The following E2F3 variants were observed in gnomAD, a reference collection of about 807,000 sequenced individuals.
E2F3 encodes the protein transcription factor E2F3.
A neutral mutation model predicts 44.4 loss-of-function variants in E2F3; 11 were observed. The observed-to-expected ratio is 0.25, with a 90% CI of 0.16 to 0.41. E2F3 has a LOEUF of 0.41. Among genes scored for constraint, E2F3 ranks in the 10% least tolerant of loss-of-function variants. E2F3 has a pLI of 1.00. For synonymous variants in E2F3, 249 were observed against 253.0 expected, an observed-to-expected ratio of 0.98 and a Z score of 0.15; for missense variants, 487 against 583.6, an observed-to-expected ratio of 0.83 and a Z score of 1.70.
intron 4 of E2F3, among the ~76,000 whole-genome samples, chr6:20,484,410 T>C (rs1363177201): frequency 6.6e-6 from 1 of 152,246 alleles, no homozygotes; most frequent in East Asian, 1.9e-4. Context: ...GATGAGTTTT[T>C]CTTTTACACT....
chr6:20,423,746 G>A (rs1033279858), intron 1 of E2F3, among the ~76,000 whole-genome samples: 1 of 150,850 alleles, frequency 6.6e-6, no homozygotes, highest in Non-Finnish European at 1.5e-5. Context: ...TGGGATTACA[G>A]GTGTGAGCCA....
chr6:20,441,236 A>G (rs1267120255), intron 1 of E2F3, among the ~76,000 whole-genome samples: 1 of 152,160 alleles, frequency 6.6e-6, no homozygotes, highest in Non-Finnish European at 1.5e-5. Context: ...TAGATACCTC[A>G]TATAAGTGGA....
intron 4 of E2F3, among the ~76,000 whole-genome samples, chr6:20,484,604 G>A (rs546008425): frequency 4.4e-4 from 67 of 152,312 alleles, no homozygotes; most frequent in Non-Finnish European, 1.5e-4. Flanking sequence ...GATGGGTTAT[G>A]TAGTGACCTA....
At chr6:20,457,397 C>T in intron 1 of E2F3, among the ~76,000 whole-genome samples, 1 of 143,162 alleles carries the variant, frequency 7.0e-6, no homozygotes, top group East Asian at 2.1e-4. Flanking sequence ...CCATGTTGGC[C>T]AGGCTGCTCG....
At chr6:20,433,000 C>T (rs905007409) in intron 1 of E2F3, among the ~76,000 whole-genome samples, 2 of 152,228 alleles carry the variant, frequency 1.3e-5, no homozygotes, top group African/African-American at 4.8e-5. Flanking sequence ...GCCAGTCACT[C>T]TTTATCCTAT....
intron 6 of E2F3, among the ~76,000 whole-genome samples, chr6:20,489,015 A>C (rs1762481231): frequency 6.6e-6 from 1 of 152,054 alleles, no homozygotes; most frequent in African/African-American, 2.4e-5. Context: ...AAAAGAAAAG[A>C]AATCTAACTT....
chr6:20,490,268 C>A lies in E2F3; in HGVS notation c.1236C>A (p.Asp412Glu), dbSNP rs1189745151. Residue 412 changes from aspartate to glutamate, a missense_variant, in exon 7 of 7, where the codon GAC (aspartate) becomes GAA (glutamate). Asp to Glu is a conservative substitution (Grantham distance 45). This residue lies in a region of E2F3 where 220 missense variants were observed against 261.7 expected (regional missense o/e 0.84). Transcript: ENST00000346618. This position sits in a 1 kb window ranked among gnomAD's most constrained non-coding sequence, Gnocchi z 4.3. The part of the protein sequence containing the change: ...SPANLLQQTE[D>E]QIPSNLEGPF... ...CCAACCTCTTACAGCAGACTGAGGA[C>A]CAAATTCCTTCCAACCTAGAAGGAC... 4.3e-6 allele frequency: 7 copies of A among 1,614,152 alleles called. No individual in the cohort carries two copies. Among genetic ancestry groups the A allele is most frequent in the Non-Finnish European group, 5.9e-6 (7 of 1,180,008 alleles).
At chr6:20,489,910 C>T (rs1372121374) in intron 6 of E2F3, among the ~76,000 whole-genome samples, 1 of 152,144 alleles carries the variant, frequency 6.6e-6, no homozygotes, top group Non-Finnish European at 1.5e-5. Context: ...TTCAAGACTG[C>T]AGTGAGTCAT....
chr6:20,458,834 T>C (rs986805806), intron 1 of E2F3, among the ~76,000 whole-genome samples: 2 of 152,232 alleles, frequency 1.3e-5, no homozygotes, highest in African/African-American at 2.4e-5. Flanking sequence ...GTTCTTCCAT[T>C]ATCTGCCCCA....
chr6:20,421,863 A>G (rs1201131567), intron 1 of E2F3: 1 of 152,292 alleles, frequency 6.6e-6, no homozygotes, highest in Non-Finnish European at 1.5e-5. Flanking sequence ...AGCTGGGACT[A>G]CAGGCATGTG....
At chr6:20,436,486 G>C (rs541261345) in intron 1 of E2F3, among the ~76,000 whole-genome samples, 3,840 of 134,028 alleles carry the variant, frequency 0.029, 159 homozygotes, top group African/African-American at 0.093. Flanking sequence ...CACAGAGAGA[G>C]AGAGAGAGAA....
intron 1 of E2F3, among the ~76,000 whole-genome samples, chr6:20,446,053 G>A (rs796069639): frequency 4.6e-5 from 7 of 152,278 alleles, no homozygotes; most frequent in African/African-American, 1.7e-4. Context: ...GGGTGTGGGA[G>A]GAACCCTGAG....
chr6:20,478,556 C>G (rs1341778435), intron 1 of E2F3, among the ~76,000 whole-genome samples: 1 of 152,196 alleles, frequency 6.6e-6, no homozygotes, highest in African/African-American at 2.4e-5. Context: ...CGCCTGTAAT[C>G]CCATCACTTT....
chr6:20,432,273 G>A (rs149384237), intron 1 of E2F3, among the ~76,000 whole-genome samples: 1 of 151,596 alleles, frequency 6.6e-6, no homozygotes. Context: ...CCTACTCTGG[G>A]GCCTTGGGGA....
intron 1 of E2F3, among the ~76,000 whole-genome samples, chr6:20,433,910 C>A (rs1237354674): frequency 6.6e-6 from 1 of 152,134 alleles, no homozygotes; most frequent in African/African-American, 2.4e-5. Context: ...AATGAAGATT[C>A]CTATCAAATG....
intron 1 of E2F3, among the ~76,000 whole-genome samples, chr6:20,457,144 G>C (rs539689379): frequency 1.3e-5 from 2 of 151,764 alleles, no homozygotes; most frequent in Non-Finnish European, 2.9e-5. Flanking sequence ...GACTTGTCAG[G>C]TTCAGCTAGT....
intron 1 of E2F3, among the ~76,000 whole-genome samples, chr6:20,417,413 G>A (rs1265292570): frequency 6.6e-6 from 1 of 152,136 alleles, no homozygotes; most frequent in Admixed American, 6.5e-5. Flanking sequence ...GTCTGAATGA[G>A]TGAATACCAT....
At chr6:20,487,691 C>A (rs1249251255) in intron 5 of E2F3, among the ~76,000 whole-genome samples, 2 of 152,188 alleles carry the variant, frequency 1.3e-5, no homozygotes, top group Non-Finnish European at 2.9e-5. Context: ...CCAAGCCCCA[C>A]TAAAATAGTT....
At chr6:20,452,991 T>TTTTGTTTG (rs138463851) in intron 1 of E2F3, among the ~76,000 whole-genome samples, 4 of 151,048 alleles carry the variant, frequency 2.6e-5, no homozygotes, top group African/African-American at 9.7e-5. Context: ...GTTTCTTTCT[T>TTTTGTTTG]TTTGTTTGTT....
Sources: gnomAD v4.1 joint callset for allele counts (sites outside exome capture counted in the v4.1 genomes callset) on GRCh38, gnomAD v4.1.1 for gene constraint, gnomAD v4.1.1 regional missense constraint, Gnocchi (gnomAD v3.1) non-coding constraint, MANE v1.5 for transcripts, NCBI Gene and HGNC (gene_info 2026-07-23, HGNC 2026-07-21) for gene names.